The following AIG1 variants were observed in gnomAD, a reference collection of about 807,000 sequenced individuals.
The protein encoded by AIG1 is androgen-induced gene 1 protein.
In AIG1, 23 loss-of-function variants were observed where a neutral mutation model predicts 31.4. The ratio of observed to expected loss-of-function variants is 0.73; its 90% confidence interval spans 0.53 to 1.04. The LOEUF is 1.04. Ranked by LOEUF, AIG1 falls within the 50% of genes least tolerant of loss-of-function variation. AIG1 has a pLI of 0.00. For synonymous variants in AIG1, 100 were observed against 110.5 expected (o/e 0.90, Z 0.60); for missense variants, 274 against 295.0 (o/e 0.93, Z 0.52).
chr6:143,079,493 G>C (rs1156796220), intron 1 of AIG1, among the ~76,000 whole-genome samples: 1 of 152,174 alleles, frequency 6.6e-6, no homozygotes, highest in Non-Finnish European at 1.5e-5. Context: ...TCAGGCAGTT[G>C]ATTTTTGTAC....
At chr6:143,274,649 A>G (rs1176208205) in intron 3 of AIG1, among the ~76,000 whole-genome samples, 1 of 150,770 alleles carries the variant, frequency 6.6e-6, no homozygotes, top group Non-Finnish European at 1.5e-5. Context: ...TGACTGGTGT[A>G]TAGTAGGAAT....
chr6:143,061,618 A>C (rs1776268800), intron 1 of AIG1: 1 of 289,396 alleles, frequency 3.5e-6, no homozygotes, highest in East Asian at 8.4e-5. Flanking sequence ...CCCCATTGTC[A>C]ATAATTTACT....
intron 4 of AIG1, among the ~76,000 whole-genome samples, chr6:143,294,643 C>A (rs752659431): frequency 2.0e-5 from 3 of 152,188 alleles, no homozygotes; most frequent in Non-Finnish European, 4.4e-5. Context: ...ATTACTTTAG[C>A]AAAATTTTGG....
Position 143,292,842 on chromosome 6 carries a change from A to T in AIG1, c.515+8617A>T, listed in dbSNP as rs6937554. On this transcript the variant is annotated intron_variant, in intron 4 of 5. Coordinates refer to ENST00000357847, the MANE Select transcript of AIG1 (RefSeq NM_016108.4). This position sits in a 1 kb window ranked among gnomAD's most constrained non-coding sequence, Gnocchi z 4.9. Reference sequence around the variant, plus strand: ...TAACTGGCACTCAGTTCCAGTGGCCATTGTTGTTCTGTTTATACGCTAGGA... The same window carrying T: ...TAACTGGCACTCAGTTCCAGTGGCCTTTGTTGTTCTGTTTATACGCTAGGA... 0.25 allele frequency among the ~76,000 whole-genome samples: 37,499 copies of T among 152,000 alleles called. 4,729 individuals carry two copies. The highest frequency in any genetic ancestry group is 0.29 in the South Asian group (1,400 of 4,808).
intron 3 of AIG1, among the ~76,000 whole-genome samples, chr6:143,182,940 A>G (rs971269446): frequency 6.6e-6 from 1 of 152,226 alleles, no homozygotes; most frequent in Non-Finnish European, 1.5e-5. Context: ...CTTGTATTTA[A>G]CGTCACTCTT....
At chr6:143,232,034 T>C (rs1015549042) in intron 3 of AIG1, among the ~76,000 whole-genome samples, 1 of 152,182 alleles carries the variant, frequency 6.6e-6, no homozygotes, top group Non-Finnish European at 1.5e-5. Context: ...CATAAAGGCA[T>C]TGTGGAGCCT....
chr6:143,252,858 G>A (rs941380832), intron 3 of AIG1, among the ~76,000 whole-genome samples: 25 of 152,156 alleles, frequency 1.6e-4, no homozygotes, highest in Non-Finnish European at 1.8e-4. Context: ...GGGATTGACC[G>A]GGGAAAGATC....
In AIG1 at chr6:143,165,185, T is replaced by C. The variant is rs1010595663; in HGVS notation, c.399+2T>C. On this transcript the variant is annotated splice_donor_variant, in intron 3 of 5. Transcript: ENST00000357847. LOFTEE classifies it high-confidence loss of function. ...CCAGGGTGGCTGAATCACGGAATGGTGAGTGGATTAAAACAAACGGCTTTC... is the reference window on the plus strand; with the variant it reads ...CCAGGGTGGCTGAATCACGGAATGGCGAGTGGATTAAAACAAACGGCTTTC... 3.1e-6 allele frequency: 5 copies of C among 1,604,986 alleles called. No homozygotes were observed. The highest frequency in any genetic ancestry group is 4.3e-6 in the Non-Finnish European group (5 of 1,171,998).
At position 143,201,481 on chromosome 6, in the gene AIG1, A is replaced by G. The variant is rs545954690; in HGVS notation, c.399+36298A>G. Among the ~76,000 whole-genome samples the G allele has an allele frequency of 1.4e-4, 22 of 152,280 alleles. No individual in the cohort carries two copies. The East Asian group carries it at 3.9e-3, about 27-fold the overall frequency. Reference sequence around the variant, plus strand: ...TTAAATCTGTGGTTGCCTTTGCGCTATATATTTTTAAAGGATATTGTGGGC... The same window carrying G: ...TTAAATCTGTGGTTGCCTTTGCGCTGTATATTTTTAAAGGATATTGTGGGC... On this transcript the variant is annotated intron_variant, in intron 3 of 5. Transcript: ENST00000357847.
At chr6:143,343,010 C>A, downstream of AIG1, 2 of 891,820 alleles carry the variant, frequency 2.2e-6, no homozygotes, top group Non-Finnish European at 3.8e-6. Flanking sequence ...GGTGTTATTT[C>A]CAATTTTGTC....
chr6:143,325,228 T>C lies in AIG1; in HGVS notation c.516-8054T>C, dbSNP rs1776508517. On this transcript the variant is annotated intron_variant, in intron 4 of 5. Coordinates refer to ENST00000357847, the MANE Select transcript of AIG1 (RefSeq NM_016108.4). The surrounding 1 kb of genome is among the most constrained non-coding windows in gnomAD (Gnocchi z 4.3). ...TTCCCTGTTACTAGCCCATCTTTCT[T>C]GATCTCCTTTTTAGGCTCATCATCC... 6.6e-6 allele frequency among the ~76,000 whole-genome samples: 1 copy of C among 152,200 alleles called. No homozygotes were observed. Among genetic ancestry groups the C allele is most frequent in the Non-Finnish European group, 1.5e-5 (1 of 68,042 alleles).
chr6:143,203,066 G>A (rs1182943206), intron 3 of AIG1, among the ~76,000 whole-genome samples: 2 of 152,190 alleles, frequency 1.3e-5, no homozygotes. Flanking sequence ...CCTCCCCTAT[G>A]ATGCCATGAT....
intron 3 of AIG1, among the ~76,000 whole-genome samples, chr6:143,187,079 A>C (rs959768350): frequency 2.0e-5 from 3 of 152,188 alleles, no homozygotes; most frequent in African/African-American, 7.2e-5. Context: ...CTCAATCTAA[A>C]TTTTCAAGGA....
At chr6:143,117,761 C>T (rs765682937) in intron 1 of AIG1, among the ~76,000 whole-genome samples, 6 of 152,190 alleles carry the variant, frequency 3.9e-5, no homozygotes, top group South Asian at 4.1e-4. Flanking sequence ...AGAGCTCCAA[C>T]GACTGAGCAT....
At chr6:143,070,490 T>A (rs2128460898) in intron 1 of AIG1, among the ~76,000 whole-genome samples, 1 of 152,332 alleles carries the variant, frequency 6.6e-6, no homozygotes, top group Non-Finnish European at 1.5e-5. Flanking sequence ...CATTTTGTGT[T>A]GCTATCACAG....
At chr6:143,275,461 A>G (rs1796826794) in intron 3 of AIG1, among the ~76,000 whole-genome samples, 1 of 152,228 alleles carries the variant, frequency 6.6e-6, no homozygotes, top group African/African-American at 2.4e-5. Flanking sequence ...CCTGCAGGGC[A>G]GACTCCAGCT....
chr6:143,073,831 C>A (rs781022711), intron 1 of AIG1, among the ~76,000 whole-genome samples: 3 of 152,188 alleles, frequency 2.0e-5, no homozygotes, highest in Non-Finnish European at 4.4e-5. Flanking sequence ...CCAGATCTCA[C>A]GAGAGGTCAC....
chr6:143,287,076 C>T (rs1797732633), intron 4 of AIG1, among the ~76,000 whole-genome samples: 2 of 151,956 alleles, frequency 1.3e-5, no homozygotes, highest in South Asian at 4.2e-4. Flanking sequence ...CATCACCTGT[C>T]CATTTGTGGG....
intron 3 of AIG1, among the ~76,000 whole-genome samples, chr6:143,172,234 G>A (rs1787707093): frequency 6.6e-6 from 1 of 152,070 alleles, no homozygotes; most frequent in Admixed American, 6.6e-5. Context: ...TTTGCTTTTG[G>A]GTTCTTGGTC....
Sources: allele counts gnomAD v4.1 joint callset (sites outside exome capture counted in the v4.1 genomes callset), GRCh38; gene constraint gnomAD v4.1.1; non-coding constraint Gnocchi (gnomAD v3.1); transcripts MANE v1.5; gene names NCBI Gene and HGNC (gene_info 2026-07-23, HGNC 2026-07-21).